Variants in TENM3 observed in about 807,000 individuals in gnomAD.
TENM3 encodes teneurin-3.
A neutral mutation model predicts 255.1 loss-of-function variants in TENM3; 63 were observed. That is an observed-to-expected ratio of 0.25 (90% CI 0.20 to 0.30). The LOEUF (loss-of-function observed/expected upper bound fraction) is 0.30, where lower values mean the gene tolerates loss of function less well. TENM3 is among the 10% of genes least tolerant of loss of function. TENM3 has a pLI of 1.00. For synonymous variants in TENM3, 1,306 were observed against 1,322.3 expected, an observed-to-expected ratio of 0.99 and a Z score of 0.27; for missense variants, 2,929 against 3,461.1, an observed-to-expected ratio of 0.85 and a Z score of 3.86.
chr4:181,526,774 T>C, the TENM3 span, among the ~76,000 whole-genome samples: 2 of 152,178 alleles, frequency 1.3e-5, no homozygotes, highest in South Asian at 4.1e-4. Flanking sequence ...TATAGATTAA[T>C]AGCAGTTAAT....
At chr4:182,730,781 T>G in intron 15 of TENM3, 97 bp from the exon 16 acceptor site, 1 of 1,336,612 alleles carries the variant, frequency 7.5e-7, no homozygotes, top group Non-Finnish European at 1.0e-6. Flanking sequence ...GGAGAAAAAG[T>G]TGATTTTCTT....
chr4:181,551,856 G>A, the TENM3 span, among the ~76,000 whole-genome samples: 9 of 36,368 alleles, frequency 2.5e-4, no homozygotes, highest in African/African-American at 6.5e-4. Flanking sequence ...GTGTGTGTGT[G>A]TGTGTGTGTG....
intron 1 of TENM3, among the ~76,000 whole-genome samples, chr4:182,191,423 A>T (rs933376913): frequency 6.6e-6 from 1 of 152,128 alleles, no homozygotes; most frequent in East Asian, 1.9e-4. Context: ...TCACACACCC[A>T]TGATTACCAG....
At chr4:181,718,097 T>A in the TENM3 span, among the ~76,000 whole-genome samples, 6 of 152,290 alleles carry the variant, frequency 3.9e-5, no homozygotes, top group South Asian at 1.2e-3. Flanking sequence ...GAAATAATCA[T>A]AAATGCTGGC....
chr4:182,326,432 C>G (rs114054911), intron 2 of TENM3, among the ~76,000 whole-genome samples: 1 of 152,296 alleles, frequency 6.6e-6, no homozygotes, highest in South Asian at 2.1e-4. Flanking sequence ...TGGTTCTGGC[C>G]TGGCTTCTAA....
At chr4:182,111,743 T>C in the TENM3 span, among the ~76,000 whole-genome samples, 1 of 152,180 alleles carries the variant, frequency 6.6e-6, no homozygotes, top group Admixed American at 6.5e-5. Context: ...GAAGCTGTCT[T>C]GGCATACCTC....
In TENM3 at chr4:182,347,009, T is replaced by C. The variant is rs1764870357; in HGVS notation, c.511+80T>C. 20 of 1,039,458 alleles carry C rather than the reference T, an allele frequency of 1.9e-5. No individual in the cohort carries two copies. The South Asian group carries it at 3.5e-4, about 18-fold the overall frequency. 64.4% of individuals were successfully genotyped at this position (1,039,458 alleles called of 1,614,324 possible). A position where few individuals can be genotyped will look rare whatever the true frequency, so the allele number is the denominator to read the frequency against. Reference sequence around the variant, plus strand: ...GGTTGACTCCGCGGGGGGGGATGTTTTTCTTTCTCTCCTTCCTCTCATCCT... The same window carrying C: ...GGTTGACTCCGCGGGGGGGGATGTTCTTCTTTCTCTCCTTCCTCTCATCCT... On this transcript the variant is annotated intron_variant, in intron 3 of 27. Transcript: ENST00000511685.
chr4:181,504,933 T>C, the TENM3 span, among the ~76,000 whole-genome samples: 1 of 152,220 alleles, frequency 6.6e-6, no homozygotes, highest in Admixed American at 6.5e-5. Flanking sequence ...AGTGATGACA[T>C]GCAATTGATC....
intron 4 of TENM3, among the ~76,000 whole-genome samples, chr4:182,610,551 C>T (rs1002962154): frequency 6.6e-6 from 1 of 151,894 alleles, no homozygotes; most frequent in South Asian, 2.1e-4. Flanking sequence ...GGTTTGGTAG[C>T]ATGTGCCTAT....
intron 1 of TENM3, among the ~76,000 whole-genome samples, chr4:182,145,551 T>C (rs189691510): frequency 1.3e-5 from 2 of 152,350 alleles, no homozygotes; most frequent in African/African-American, 4.8e-5. Context: ...ATTCCATTCT[T>C]ACTGCCTCAC....
At chr4:182,479,800 A>G (rs929055815) in intron 3 of TENM3, among the ~76,000 whole-genome samples, 2 of 152,002 alleles carry the variant, frequency 1.3e-5, no homozygotes, top group African/African-American at 4.8e-5. Context: ...TTAATGGAGT[A>G]TAATTTTCTT....
the TENM3 span, among the ~76,000 whole-genome samples, chr4:181,554,945 C>T: frequency 8.6e-3 from 1,313 of 152,232 alleles, 13 homozygotes; most frequent in South Asian, 0.023. Context: ...ACTTTGAATG[C>T]GTCTCTGCAC....
intron 11 of TENM3, 147 bp from the exon 12 acceptor site, chr4:182,688,019 G>A (rs770515358): frequency 3.0e-5 from 21 of 691,094 alleles, no homozygotes; most frequent in East Asian, 5.6e-5. Context: ...TGAAATTTAC[G>A]TAGCATACAA....
chr4:181,529,754 G>C, the TENM3 span, among the ~76,000 whole-genome samples: 5 of 152,156 alleles, frequency 3.3e-5, no homozygotes, highest in East Asian at 7.7e-4. Context: ...GCAAACATTC[G>C]CGAGATGGCT....
intron 3 of TENM3, among the ~76,000 whole-genome samples, chr4:182,485,790 G>A (rs1480459914): frequency 5.3e-5 from 8 of 152,140 alleles, no homozygotes; most frequent in Admixed American, 5.2e-4. Context: ...GAGAAAGACA[G>A]CATCCCTGTT....
intron 16 of TENM3, among the ~76,000 whole-genome samples, chr4:182,731,690 TTGGGGTGTGTGTG>T (rs1561172437): frequency 9.5e-6 from 1 of 104,792 alleles, no homozygotes; most frequent in East Asian, 2.7e-4. Context: ...ATAGTGGGTG[TTGGGGTGTGTGTG>T]TGTGTGTGTG....
chr4:182,552,875 T>G (rs553656226), intron 3 of TENM3, among the ~76,000 whole-genome samples: 31 of 152,306 alleles, frequency 2.0e-4, no homozygotes, highest in Non-Finnish European at 4.4e-4. Context: ...TTTTCCCAAG[T>G]TAAACTGTGA....
intron 3 of TENM3, among the ~76,000 whole-genome samples, chr4:182,564,245 CT>C (rs1743523800): frequency 6.6e-6 from 1 of 151,804 alleles, no homozygotes; most frequent in Non-Finnish European, 1.5e-5. Flanking sequence ...CTACTGAATG[CT>C]TCTCTTTAAC....
chr4:182,150,918 G>A (rs1750293580), intron 1 of TENM3, among the ~76,000 whole-genome samples: 1 of 152,016 alleles, frequency 6.6e-6, no homozygotes, highest in South Asian at 2.1e-4. Flanking sequence ...AGGGTGACGT[G>A]GATTTGTGGT....
Sources: allele counts gnomAD v4.1 joint callset (sites outside exome capture counted in the v4.1 genomes callset), GRCh38; gene constraint gnomAD v4.1.1; transcripts MANE v1.5; gene names NCBI Gene and HGNC (gene_info 2026-07-23, HGNC 2026-07-21).